Variants in PTK7 observed in about 807,000 individuals in gnomAD.
PTK7 encodes the protein inactive tyrosine-protein kinase 7.
A neutral mutation model predicts 116.6 loss-of-function variants in PTK7; 39 were observed. That is an observed-to-expected ratio of 0.33 (90% CI 0.26 to 0.44). PTK7 has a LOEUF of 0.44. Among genes scored for constraint, PTK7 ranks in the 20% least tolerant of loss-of-function variants. The pLI is 1.00. For missense variants in PTK7, 1,169 were observed against 1,425.6 expected, an observed-to-expected ratio of 0.82 and a Z score of 2.90; for synonymous variants, 546 against 563.6, an observed-to-expected ratio of 0.97 and a Z score of 0.44.
chr6:43,160,844 G>A lies in PTK7; in HGVS notation c.3176G>A (p.Ser1059Asn). Residue 1059 changes from serine (S) to asparagine (N), a missense_variant, in exon 20 of 20, where the codon AGC becomes AAC. Transcript: ENST00000230419. Reference protein sequence around the residue: ...KDRPSFSEIASALGDSTVDSK... With the variant: ...KDRPSFSEIANALGDSTVDSK... ...CGGCCCTCCTTCAGTGAGATTGCCA[G>A]CGCCCTGGGAGACAGCACCGTGGAC... 1 of 1,614,154 alleles carries A rather than the reference G, an allele frequency of 6.2e-7. No homozygotes were observed. Among genetic ancestry groups the A allele is most frequent in the Non-Finnish European group, 8.5e-7 (1 of 1,180,036 alleles).
chr6:43,146,574 T>C (rs1770742219), intron 16 of PTK7, 44 bp from the exon 17 acceptor site: 22 of 1,576,022 alleles, frequency 1.4e-5, no homozygotes, highest in Non-Finnish European at 1.9e-5. Context: ...TTACAGCCAA[T>C]GGCTGTGCAC....
At chr6:43,112,500 GTC>G (rs536276650) in intron 1 of PTK7, among the ~76,000 whole-genome samples, 6 of 151,266 alleles carry the variant, frequency 4.0e-5, no homozygotes, top group African/African-American at 1.5e-4. Flanking sequence ...TTGTCTATCT[GTC>G]TCTCTCTCTC....
At chr6:43,157,378 T>TTTTTTTTTTC (rs1771563173) in intron 17 of PTK7, among the ~76,000 whole-genome samples, 1 of 79,820 alleles carries the variant, frequency 1.3e-5, no homozygotes, top group African/African-American at 4.9e-5. Context: ...TTTTTTTTCT[T>TTTTTTTTTTC]TTTTTTTTTT....
At chr6:43,099,153 G>A (rs1767425567) in intron 1 of PTK7, among the ~76,000 whole-genome samples, 1 of 150,010 alleles carries the variant, frequency 6.7e-6, no homozygotes, top group Admixed American at 6.6e-5. Flanking sequence ...CAATTCTAAT[G>A]TAGAAAAATA....
In PTK7 at chr6:43,158,931, G is replaced by C; in HGVS notation, c.2836G>C (p.Val946Leu). The change falls in exon 18 of 20, where the codon GTG becomes CTG. Residue 946 changes from valine (V) to leucine (L), a missense_variant. Transcript: ENST00000230419. ...GGTCAGTGCCCAGAGACAAGTGAAG[G>C]TGTCTGCCCTGGGCCTCAGCAAGGA... ...CLVSAQRQVK[V>L]SALGLSKDVY... 6.2e-7 allele frequency: 1 copy of C among 1,614,188 alleles called. No individual in the cohort carries two copies. The highest frequency in any genetic ancestry group is 8.5e-7 in the Non-Finnish European group (1 of 1,180,040).
At chr6:43,106,435 G>A (rs1767891391) in intron 1 of PTK7, among the ~76,000 whole-genome samples, 1 of 151,836 alleles carries the variant, frequency 6.6e-6, no homozygotes, top group Non-Finnish European at 1.5e-5. Flanking sequence ...AGCCTCCCAG[G>A]TGGCTGGGAC....
In PTK7 at chr6:43,142,166, C is replaced by T. The variant is rs780259234; in HGVS notation, c.1920-6C>T. 2.6e-5 allele frequency: 42 copies of T among 1,613,762 alleles called. No homozygotes were observed. The highest frequency in any genetic ancestry group is 5.5e-5 in the South Asian group (5 of 91,046). The stretch of plus-strand genomic sequence containing the variant: ...CTGGCCAGCACTATGGCTTCTCCCC[C>T]GACAGGATGCACATCTTCCAGAATG... On this transcript the variant is annotated splice_region_variant and splice_polypyrimidine_tract_variant and intron_variant, in intron 12 of 19. Coordinates refer to ENST00000230419, the MANE Select transcript of PTK7 (RefSeq NM_002821.5).
intron 5 of PTK7, 107 bp from the exon 6 acceptor site, chr6:43,131,909 G>A (rs1266025781): frequency 2.6e-5 from 38 of 1,465,476 alleles, no homozygotes; most frequent in Admixed American, 1.0e-4. Context: ...GTTCCTGGTC[G>A]ATTCCTTACT....
chr6:43,079,427 TCCAGC>T (rs1766240013), intron 1 of PTK7, among the ~76,000 whole-genome samples: 1 of 123,040 alleles, frequency 8.1e-6, no homozygotes, highest in Non-Finnish European at 1.6e-5. Context: ...GCCACTGCAC[TCCAGC>T]TTGGGCGAGA....
At chr6:43,096,754 G>A (rs1022816171) in intron 1 of PTK7, among the ~76,000 whole-genome samples, 1 of 152,226 alleles carries the variant, frequency 6.6e-6, no homozygotes, top group East Asian at 1.9e-4. Context: ...CTGCCTGTCC[G>A]GTAGGGCCCT....
At chr6:43,093,526 G>GGA (rs1217484166) in intron 1 of PTK7, among the ~76,000 whole-genome samples, 1 of 152,070 alleles carries the variant, frequency 6.6e-6, no homozygotes, top group Middle Eastern at 3.2e-3. Context: ...CTCAGAGGAT[G>GGA]GAGACCTGGG....
intron 19 of PTK7, 107 bp from the exon 20 acceptor site, chr6:43,160,614 C>A: frequency 1.4e-6 from 2 of 1,436,130 alleles, no homozygotes; most frequent in Admixed American, 3.6e-5. Flanking sequence ...CAGCATTGCC[C>A]CAGAGGCATC....
chr6:43,144,419 C>A, intron 14 of PTK7, 32 bp from the exon 15 acceptor site: 1 of 1,613,616 alleles, frequency 6.2e-7, no homozygotes, highest in South Asian at 1.1e-5. Context: ...TGTCAGGTCT[C>A]ATCGTGACGC....
At chr6:43,077,539 A>G (rs545297713) in intron 1 of PTK7, among the ~76,000 whole-genome samples, 1 of 152,250 alleles carries the variant, frequency 6.6e-6, no homozygotes, top group Admixed American at 6.5e-5. Context: ...CCTAAGAGTC[A>G]TCACTGAGGT....
At chr6:43,099,031 T>C (rs995666270) in intron 1 of PTK7, among the ~76,000 whole-genome samples, 7 of 152,058 alleles carry the variant, frequency 4.6e-5, no homozygotes, top group Admixed American at 1.3e-4. Flanking sequence ...GATTATTAAT[T>C]TTCTTTTGAA....
chr6:43,157,362 A>ATTTTT (rs1561990570), intron 17 of PTK7, among the ~76,000 whole-genome samples: 3 of 34,236 alleles, frequency 8.8e-5, no homozygotes, highest in South Asian at 1.3e-3. Flanking sequence ...ATATATATAT[A>ATTTTT]TATTTTTTTT....
At chr6:43,149,464 A>G (rs1770945565) in intron 17 of PTK7, among the ~76,000 whole-genome samples, 1 of 152,208 alleles carries the variant, frequency 6.6e-6, no homozygotes, top group African/African-American at 2.4e-5. Flanking sequence ...TTTTTCAAAC[A>G]AGCTCTCCAG....
intron 1 of PTK7, among the ~76,000 whole-genome samples, chr6:43,088,730 T>TAA (rs1561934233): frequency 6.6e-6 from 1 of 151,084 alleles, no homozygotes; most frequent in Non-Finnish European, 1.5e-5. Flanking sequence ...AATAAATAAA[T>TAA]AAAGAGTTAT....
At chr6:43,118,370 C>T (rs1011250088) in intron 1 of PTK7, among the ~76,000 whole-genome samples, 4 of 151,850 alleles carry the variant, frequency 2.6e-5, no homozygotes, top group Admixed American at 2.6e-4. Flanking sequence ...AACCCCGTCT[C>T]TACTAAAAAT....
Sources: allele counts gnomAD v4.1 joint callset (sites outside exome capture counted in the v4.1 genomes callset), GRCh38; gene constraint gnomAD v4.1.1; transcripts MANE v1.5; gene names NCBI Gene and HGNC (gene_info 2026-07-23, HGNC 2026-07-21).